The following ANK1 variants were observed in gnomAD, a reference collection of about 807,000 sequenced individuals.
ANK1 encodes ankyrin-1.
ANK1 carries 51 observed loss-of-function variants against 210.4 expected under a neutral mutation model. The observed-to-expected ratio is 0.24, with a 90% CI of 0.19 to 0.31. The LOEUF (loss-of-function observed/expected upper bound fraction) is 0.31, where lower values mean the gene tolerates loss of function less well. ANK1 is among the 10% of genes least tolerant of loss of function. The probability of loss-of-function intolerance (pLI) is 1.00; values close to 1 mark genes in which losing one functional copy is unlikely to be tolerated. For synonymous variants in ANK1, 967 were observed against 1,025.9 expected, an observed-to-expected ratio of 0.94 and a Z score of 1.10; for missense variants, 2,051 against 2,504.4, an observed-to-expected ratio of 0.82 and a Z score of 3.86.
At chr8:41,834,461 G>T (rs148950099) in intron 1 of ANK1, among the ~76,000 whole-genome samples, 1 of 152,182 alleles carries the variant, frequency 6.6e-6, no homozygotes, top group East Asian at 1.9e-4. Context: ...GGCTCATGCC[G>T]AAGACCTGCC....
chr8:41,728,736 G>T (rs1586519384), intron 3 of ANK1, among the ~76,000 whole-genome samples: 2 of 152,160 alleles, frequency 1.3e-5, no homozygotes, highest in Non-Finnish European at 2.9e-5. Context: ...TTTTATAAAA[G>T]AAAAATAATA....
At chr8:41,856,925 AGGCTGGAGTGCAGTGGCACCATCTC>A in intron 1 of ANK1, among the ~76,000 whole-genome samples, 1 of 119,532 alleles carries the variant, frequency 8.4e-6, no homozygotes, top group Admixed American at 1.1e-4. Context: ...CCTGTTGCCC[AGGCTGGAGTGCAGTGGCACCATCTC>A]GGTTCACTGC....
chr8:41,825,732 C>A (rs750544351), intron 1 of ANK1, among the ~76,000 whole-genome samples: 1 of 152,130 alleles, frequency 6.6e-6, no homozygotes, highest in Non-Finnish European at 1.5e-5. Context: ...GGGAGGGACC[C>A]GGTGGGAGGT....
intron 1 of ANK1, among the ~76,000 whole-genome samples, chr8:41,890,726 GAAAAAAGA>G (rs1268022594): frequency 9.9e-4 from 138 of 138,794 alleles, no homozygotes; most frequent in Admixed American, 1.6e-3. Context: ...AAAAAAAAAA[GAAAAAAGA>G]AAAAAAGAAA....
chr8:41,781,674 A>C (rs566204467), intron 1 of ANK1, among the ~76,000 whole-genome samples: 1 of 152,270 alleles, frequency 6.6e-6, no homozygotes, highest in Admixed American at 6.5e-5. Context: ...CAGTCACCCC[A>C]CTGGAGTCTG....
At chr8:41,877,657 A>G (rs569850438) in intron 1 of ANK1, among the ~76,000 whole-genome samples, 25 of 152,358 alleles carry the variant, frequency 1.6e-4, no homozygotes, top group Middle Eastern at 6.8e-3. Flanking sequence ...AAATAGGACC[A>G]TTTCAGATAG....
chr8:41,869,281 A>G (rs2150823830), intron 1 of ANK1, among the ~76,000 whole-genome samples: 1 of 152,318 alleles, frequency 6.6e-6, no homozygotes, highest in African/African-American at 2.4e-5. Flanking sequence ...CAGGCAGGGA[A>G]GAGAGTGCTC....
At chr8:41,723,827 TC>T (rs1267244132) in intron 7 of ANK1, among the ~76,000 whole-genome samples, 194 bp from the exon 8 acceptor site, 2 of 150,346 alleles carry the variant, frequency 1.3e-5, no homozygotes, top group Non-Finnish European at 3.0e-5. Context: ...TCTCGCTCTG[TC>T]GCCCAGGCTG....
chr8:41,708,722 G>T, intron 17 of ANK1, 56 bp downstream of exon 17: 2 of 1,589,644 alleles, frequency 1.3e-6, no homozygotes, highest in South Asian at 1.1e-5. Context: ...TCAATATGAA[G>T]ACACCACACG....
At chr8:41,758,212 C>G in intron 1 of ANK1, 75 bp from the exon 2 acceptor site, 2 of 1,326,834 alleles carry the variant, frequency 1.5e-6, no homozygotes, top group Non-Finnish European at 2.2e-6. Flanking sequence ...AGTCCCAGGC[C>G]CCCGCAGCAG....
chr8:41,704,327 C>CA lies in ANK1; in HGVS notation c.2196+46dup. 1.3e-6 allele frequency: 2 copies of CA among 1,561,848 alleles called. No individual in the cohort carries two copies. The highest frequency in any genetic ancestry group is 1.8e-6 in the Non-Finnish European group (2 of 1,132,868). Reference sequence around the variant, plus strand: ...CAGCTCTGGCTTTACCCTGATGTGGCATGGAGAAGGGTCAGTGCAGGAGTC... The same window carrying CA: ...CAGCTCTGGCTTTACCCTGATGTGGCAATGGAGAAGGGTCAGTGCAGGAGTC... On this transcript the variant is annotated intron_variant, in intron 19 of 42. Coordinates refer to ENST00000289734, the MANE Select transcript of ANK1 (RefSeq NM_000037.4). This position sits in a 1 kb window ranked among gnomAD's most constrained non-coding sequence, Gnocchi z 4.1.
chr8:41,750,109 T>C (rs937258936), intron 2 of ANK1, among the ~76,000 whole-genome samples: 2 of 152,350 alleles, frequency 1.3e-5, no homozygotes, highest in East Asian at 1.9e-4. Context: ...GAAATCCTGA[T>C]CAAAAGACTT....
chr8:41,719,908 G>T (rs1239337897), intron 9 of ANK1, 50 bp from the exon 10 acceptor site: 1 of 1,593,366 alleles, frequency 6.3e-7, no homozygotes, highest in Middle Eastern at 1.7e-4. Flanking sequence ...TGGGGACCGA[G>T]CATGGAGATT....
At chr8:41,872,582 C>T (rs1815742472) in intron 1 of ANK1, among the ~76,000 whole-genome samples, 1 of 152,238 alleles carries the variant, frequency 6.6e-6, no homozygotes, top group Admixed American at 6.5e-5. Context: ...TGTCAGAGGC[C>T]TTGGAGCCGT....
chr8:41,884,900 C>T (rs752845887), intron 1 of ANK1, among the ~76,000 whole-genome samples: 6 of 152,072 alleles, frequency 3.9e-5, no homozygotes, highest in Admixed American at 6.5e-5. Flanking sequence ...GAGCACCCTG[C>T]GCAAGGTGTG....
chr8:41,721,197 C>T (rs1251150578), intron 9 of ANK1, among the ~76,000 whole-genome samples: 2 of 152,096 alleles, frequency 1.3e-5, no homozygotes, highest in East Asian at 1.9e-4. Context: ...GACTGGCGTC[C>T]TTAGAAACAG....
At chr8:41,674,323 A>C (rs1051525999) in intron 37 of ANK1, among the ~76,000 whole-genome samples, 16 of 151,480 alleles carry the variant, frequency 1.1e-4, no homozygotes, top group African/African-American at 3.9e-4. Flanking sequence ...ACACTCACAC[A>C]CTCTCTCTCA....
chr8:41,718,249 C>A (rs983280252), intron 10 of ANK1, 45 bp from the exon 11 acceptor site: 1 of 1,597,106 alleles, frequency 6.3e-7, no homozygotes, highest in South Asian at 1.1e-5. Context: ...AGCTTACACA[C>A]GGGCCCAAGG....
At chr8:41,791,215 T>C (rs1399195923) in intron 1 of ANK1, among the ~76,000 whole-genome samples, 2 of 144,064 alleles carry the variant, frequency 1.4e-5, no homozygotes, top group Non-Finnish European at 3.0e-5. Flanking sequence ...TTTTTTTTTT[T>C]TTTTTTGAGA....
Sources: allele counts gnomAD v4.1 joint callset (sites outside exome capture counted in the v4.1 genomes callset), GRCh38; gene constraint gnomAD v4.1.1; non-coding constraint Gnocchi (gnomAD v3.1); transcripts MANE v1.5; gene names NCBI Gene and HGNC (gene_info 2026-07-23, HGNC 2026-07-21).